Variants in PLAT observed in about 807,000 individuals in gnomAD.
The protein encoded by PLAT is tissue-type plasminogen activator.
In PLAT, 48 loss-of-function variants were observed where a neutral mutation model predicts 74.9. That is an observed-to-expected ratio of 0.64 (90% CI 0.51 to 0.82). The LOEUF (loss-of-function observed/expected upper bound fraction) is 0.82, where lower values mean the gene tolerates loss of function less well. Among genes scored for constraint, PLAT ranks in the 40% least tolerant of loss-of-function variants. PLAT has a pLI of 0.00. For synonymous variants in PLAT, 307 were observed against 294.4 expected, an observed-to-expected ratio of 1.04 and a Z score of -0.44; for missense variants, 673 against 736.2, an observed-to-expected ratio of 0.91 and a Z score of 0.99.
At chr8:42,176,852 G>A (rs1037217939) in intron 13 of PLAT, among the ~76,000 whole-genome samples, 3 of 152,096 alleles carry the variant, frequency 2.0e-5, no homozygotes, top group Non-Finnish European at 2.9e-5. Flanking sequence ...CTTAAATGTT[G>A]TATAGCTCAC....
chr8:42,181,877 CGAG>C, intron 9 of PLAT, 57 bp downstream of exon 9: 1 of 982,622 alleles, frequency 1.0e-6, no homozygotes, highest in Non-Finnish European at 1.6e-6. Context: ...TAGAAAGTGG[CGAG>C]GAGATGGTGA....
chr8:42,202,286 C>T (rs181761797), intron 1 of PLAT, among the ~76,000 whole-genome samples: 34 of 152,076 alleles, frequency 2.2e-4, no homozygotes, highest in Non-Finnish European at 3.8e-4. Flanking sequence ...CCGCCCACCT[C>T]GGGCTCCCAA....
intron 3 of PLAT, among the ~76,000 whole-genome samples, chr8:42,190,689 C>T (rs1805648744): frequency 6.6e-6 from 1 of 152,122 alleles, no homozygotes; most frequent in Admixed American, 6.5e-5. Context: ...GCAGAGTCTT[C>T]CAGACTCGAA....
intron 13 of PLAT, among the ~76,000 whole-genome samples, chr8:42,177,777 G>C (rs1389343261): frequency 6.6e-6 from 1 of 152,214 alleles, no homozygotes; most frequent in Non-Finnish European, 1.5e-5. Context: ...TACAGCTGAG[G>C]TTGCTGAAGA....
At chr8:42,178,807 T>TG in intron 13 of PLAT, 90 bp downstream of exon 13, 3 of 1,249,798 alleles carry the variant, frequency 2.4e-6, no homozygotes, top group Non-Finnish European at 3.4e-6. Flanking sequence ...TCCACTCTGG[T>TG]GATAACTTTT....
At chr8:42,179,131 C>A in intron 12 of PLAT, 68 bp from the exon 13 acceptor site, 1 of 1,103,148 alleles carries the variant, frequency 9.1e-7, no homozygotes, top group Non-Finnish European at 1.4e-6. Context: ...AAGAGAAAGC[C>A]AAATTTTCCA....
intron 12 of PLAT, among the ~76,000 whole-genome samples, 178 bp from the exon 13 acceptor site, chr8:42,179,241 G>A (rs1805110707): frequency 6.6e-6 from 1 of 152,158 alleles, no homozygotes; most frequent in Non-Finnish European, 1.5e-5. Context: ...GCAGGATTCC[G>A]GGATTGAACC....
chr8:42,176,044 G>A lies in PLAT; in HGVS notation c.1638C>T (p.Tyr546=). 1 of 1,614,152 alleles carries A rather than the reference G, an allele frequency of 6.2e-7. No individual in the cohort carries two copies. The highest frequency in any genetic ancestry group is 1.1e-5 in the South Asian group (1 of 91,074). Residue 546 remains tyrosine (Y), a synonymous_variant, in exon 14 of 14, where the codon TAC becomes TAT. Transcript: ENST00000220809. The part of the protein sequence containing the change: ...GCGQKDVPGV[Y]TKVTNYLDWI... ...AGTCTAGGTAGTTGGTAACCTTGGT[G>A]TACACACCCGGGACATCCTTCTGTC...
rs1805643453 is a variant in PLAT at position 42,190,529 on chromosome 8, AAGTC to A, written c.115+839_115+842del. On this transcript the variant is annotated intron_variant, in intron 3 of 13. Transcript: ENST00000220809. ...TAAAGAAGTAGCACGTGCCCACTGT[AAGTC>A]AGACCCTTGCTGCTTCTGAGGTCAC... Among the ~76,000 whole-genome samples, 3 of 152,196 alleles carry A rather than the reference AAGTC, an allele frequency of 2.0e-5. No homozygotes were observed. The South Asian group carries it at 6.2e-4, about 32-fold the overall frequency.
rs745318874 is a variant in PLAT, at chr8:42,179,035, CTTCAGCCGCT to C, written c.1382_1391del (p.Glu461GlyfsTer57). The C allele has an allele frequency of 6.2e-7, 1 of 1,613,144 alleles. No individual in the cohort carries two copies. Among genetic ancestry groups the C allele is most frequent in the Non-Finnish European group, 8.5e-7 (1 of 1,179,108 alleles). On this transcript the variant is annotated frameshift_variant, in exon 13 of 14. Coordinates refer to ENST00000220809, the MANE Select transcript of PLAT (RefSeq NM_000930.5). LOFTEE classifies it high-confidence loss of function. ...ATGGGTACAGTCTGACATGAGCCTC[CTTCAGCCGCT>C]CCGAATAGAAAGGAGACACTGAAAG...
At position 42,184,801 on chromosome 8, in the gene PLAT, A is replaced by G. The variant is rs964922663; in HGVS notation, c.631+280T>C. The G allele has an allele frequency of 2.1e-5, 7 of 326,404 alleles. No homozygotes were observed. In the East Asian group the frequency reaches 2.4e-4, roughly 11 times the overall value. 20.2% of individuals were successfully genotyped at this position (326,404 alleles called of 1,614,324 possible). A position where few individuals can be genotyped will look rare whatever the true frequency, so the allele number is the denominator to read the frequency against. ...AAGGGAGAATCTCCATTCATTCTCA[A>G]AAGGACTGAAAACCACTGATTCAGC... On this transcript the variant is annotated intron_variant, in intron 7 of 13. Transcript: ENST00000220809.
chr8:42,182,008 T>C lies in PLAT; in HGVS notation c.818A>G (p.Asp273Gly). The C allele has an allele frequency of 6.2e-7, 1 of 1,605,344 alleles. No homozygotes were observed. The highest frequency in any genetic ancestry group is 8.5e-7 in the Non-Finnish European group (1 of 1,171,952). Residue 273 changes from aspartate to glycine, a missense_variant, in exon 9 of 14, where the codon GAT (aspartate) becomes GGT (glycine). By Grantham distance (94) the Asp-to-Gly change is moderately conservative. Coordinates refer to ENST00000220809, the MANE Select transcript of PLAT (RefSeq NM_000930.5). ...CAGCACGTGGCACCAGGGCTTGGCA[T>C]CCCCATCAGGATTCCTAAATGATAA... Reference protein sequence around the residue: ...KHNYCRNPDGDAKPWCHVLKN... With the variant: ...KHNYCRNPDGGAKPWCHVLKN...
intron 1 of PLAT, among the ~76,000 whole-genome samples, chr8:42,204,719 A>T (rs1806267195): frequency 6.6e-6 from 1 of 151,124 alleles, no homozygotes; most frequent in African/African-American, 2.4e-5. Flanking sequence ...ATCTTAAAAA[A>T]AAAAAAAAAG....
At chr8:42,183,587 T>G (rs1805335146) in intron 7 of PLAT, among the ~76,000 whole-genome samples, 2 of 152,022 alleles carry the variant, frequency 1.3e-5, no homozygotes, top group Admixed American at 1.3e-4. Context: ...GTCCTGAGGA[T>G]CTGATGATGG....
At chr8:42,194,241 A>AGAGAGAGAGAGAGAGAGAGTGTGT (rs1419569830) in intron 1 of PLAT, among the ~76,000 whole-genome samples, 6 of 52,540 alleles carry the variant, frequency 1.1e-4, no homozygotes, top group African/African-American at 3.4e-4. Context: ...AGAGAGAGAG[A>AGAGAGAGAGAGAGAGAGAGTGTGT]GTGTGTGTGT....
intron 1 of PLAT, among the ~76,000 whole-genome samples, chr8:42,207,164 G>A (rs1309526102): frequency 6.6e-6 from 1 of 152,134 alleles, no homozygotes; most frequent in South Asian, 2.1e-4. Context: ...TCGTCTTGAG[G>A]TACTCCCATA....
At chr8:42,185,536 T>A (rs1309421301) in intron 6 of PLAT, 1 of 163,202 alleles carries the variant, frequency 6.1e-6, no homozygotes, top group African/African-American at 2.4e-5. Flanking sequence ...AGTGCTGGGA[T>A]TACAGGCGTG....
chr8:42,185,399 G>C, intron 6 of PLAT: 1 of 359,530 alleles, frequency 2.8e-6, no homozygotes, highest in South Asian at 6.4e-5. Flanking sequence ...GAGTAGCTGG[G>C]ATTACAGGTG....
intron 1 of PLAT, among the ~76,000 whole-genome samples, chr8:42,199,530 A>G (rs1172143311): frequency 6.6e-6 from 1 of 152,162 alleles, no homozygotes; most frequent in Admixed American, 6.5e-5. Context: ...ATGTAGGCAT[A>G]TGGCCTGTGT....
Sources: gnomAD v4.1 joint callset for allele counts (sites outside exome capture counted in the v4.1 genomes callset) on GRCh38, gnomAD v4.1.1 for gene constraint, MANE v1.5 for transcripts, NCBI Gene and HGNC (gene_info 2026-07-23, HGNC 2026-07-21) for gene names.